Variants in CUX1 observed in about 807,000 individuals in gnomAD.
CUX1 encodes protein CASP.
Under a neutral mutation model 158.8 loss-of-function variants are expected in CUX1, and 31 were observed. That is an observed-to-expected ratio of 0.20 (90% CI 0.15 to 0.26). The LOEUF (loss-of-function observed/expected upper bound fraction) is 0.26, where lower values mean the gene tolerates loss of function less well. Ranked by LOEUF, CUX1 falls within the 10% of genes least tolerant of loss-of-function variation. The pLI, the probability that CUX1 is intolerant of heterozygous loss-of-function variation, is 1.00. For missense variants in CUX1, 1,589 were observed against 2,014.6 expected, an observed-to-expected ratio of 0.79 and a Z score of 4.04; for synonymous variants, 879 against 862.1, an observed-to-expected ratio of 1.02 and a Z score of -0.34.
At chr7:102,281,361 C>A (rs926363029) in intron 20 of CUX1, among the ~76,000 whole-genome samples, 1 of 151,802 alleles carries the variant, frequency 6.6e-6, no homozygotes, top group Non-Finnish European at 1.5e-5. Flanking sequence ...TCTAAAAAAA[C>A]GTTTTTAAAG....
chr7:101,828,661 G>A (rs1031065817), intron 1 of CUX1, among the ~76,000 whole-genome samples: 15 of 151,990 alleles, frequency 9.9e-5, no homozygotes, highest in Admixed American at 2.6e-4. Flanking sequence ...GGCACGCCCC[G>A]CTCCAGGTCG....
In CUX1 at chr7:102,170,469, G is replaced by A. The variant is rs1554510076; in HGVS notation, c.747G>A (p.Glu249=). Residue 249 remains glutamate (E), a synonymous_variant, in exon 10 of 24, where the codon GAG becomes GAA. Transcript: ENST00000292535. ...AGAGGGCAGAGGTGGCTCAGAGAGA[G>A]GCGGAGACCTTAAGGGAACAGCTCT... The part of the protein sequence containing the change: ...ANQRAEVAQR[E]AETLREQLSS... The A allele has an allele frequency of 1.3e-6, 2 of 1,590,040 alleles. No homozygotes were observed. Among genetic ancestry groups the A allele is most frequent in the East Asian group, 2.3e-5 (1 of 43,590 alleles).
intron 20 of CUX1, among the ~76,000 whole-genome samples, chr7:102,210,399 T>C (rs1284446055): frequency 6.6e-6 from 1 of 151,940 alleles, no homozygotes; most frequent in African/African-American, 2.4e-5. Flanking sequence ...ACCCGGCCTT[T>C]TTTATTCTTT....
intron 8 of CUX1, among the ~76,000 whole-genome samples, chr7:102,142,352 T>C (rs1466899232): frequency 6.6e-6 from 1 of 152,168 alleles, no homozygotes; most frequent in Non-Finnish European, 1.5e-5. Flanking sequence ...CAAGCAGTAC[T>C]CCCACCTGTA....
At chr7:102,182,325 ATACTT>A (rs1554514210) in intron 11 of CUX1, among the ~76,000 whole-genome samples, 1 of 152,242 alleles carries the variant, frequency 6.6e-6, no homozygotes, top group Non-Finnish European at 1.5e-5. Context: ...GTTTCCACCC[ATACTT>A]TCCAATGATA....
chr7:101,817,586 C>G, upstream of CUX1: 1 of 1,524,180 alleles, frequency 6.6e-7, no homozygotes, highest in South Asian at 1.2e-5. This position sits in a 1 kb window ranked among gnomAD's most constrained non-coding sequence, Gnocchi z 4.1. Flanking sequence ...CCGCCCCGCA[C>G]GTGCCAGCTC....
At chr7:102,066,424 GAC>G (rs1039648244) in intron 3 of CUX1, among the ~76,000 whole-genome samples, 3 of 152,114 alleles carry the variant, frequency 2.0e-5, no homozygotes, top group Non-Finnish European at 1.5e-5. Context: ...TCTTTCAAGA[GAC>G]ACAATTCAAC....
chr7:101,835,235 A>G (rs931882288), intron 1 of CUX1, among the ~76,000 whole-genome samples: 14 of 152,070 alleles, frequency 9.2e-5, no homozygotes, highest in African/African-American at 3.4e-4. Flanking sequence ...CGTCTCGGGA[A>G]TCATGGATTA....
chr7:101,991,758 CAAA>C (rs34948858), intron 2 of CUX1, among the ~76,000 whole-genome samples: 15 of 115,902 alleles, frequency 1.3e-4, no homozygotes, highest in Admixed American at 2.6e-4. Flanking sequence ...GACTTCATCT[CAAA>C]AAAAAAAAAA....
chr7:102,252,403 C>G lies in CUX1; in HGVS notation c.*3361C>G, dbSNP rs564000208. Reference sequence around the variant, plus strand: ...AGGCAGCCGACCCCCTTCCTCTTCACGCTCTATGAGTTTAAAAAGCTGATT... The same window carrying G: ...AGGCAGCCGACCCCCTTCCTCTTCAGGCTCTATGAGTTTAAAAAGCTGATT... On this transcript the variant is annotated 3_prime_UTR_variant, in exon 24 of 24. Transcript: ENST00000292535. 1.4e-4 allele frequency: 134 copies of G among 985,498 alleles called. No homozygotes were observed. The highest frequency in any genetic ancestry group is 1.0e-3 in the East Asian group (9 of 8,824). 61.0% of individuals were successfully genotyped at this position (985,498 alleles called of 1,614,324 possible).
At chr7:102,091,651 T>C (rs2130850223) in intron 4 of CUX1, among the ~76,000 whole-genome samples, 1 of 152,276 alleles carries the variant, frequency 6.6e-6, no homozygotes, top group East Asian at 1.9e-4. Flanking sequence ...ACTTAGCTTT[T>C]CTAAAGAAAA....
chr7:102,220,034 T>C (rs1797650347), intron 20 of CUX1, among the ~76,000 whole-genome samples: 1 of 152,158 alleles, frequency 6.6e-6, no homozygotes, highest in Admixed American at 6.5e-5. Context: ...GTTTGTGATA[T>C]GAGCCTGTAT....
At chr7:102,280,806 G>A (rs782615603) in exon 20 of CUX1, 3 of 1,613,038 alleles carry the variant, frequency 1.9e-6, no homozygotes, top group East Asian at 2.2e-5. Flanking sequence ...CTGTGCAGGA[G>A]CGGCAGAGGA....
chr7:101,882,887 C>G (rs987004450), intron 1 of CUX1, among the ~76,000 whole-genome samples: 6 of 152,184 alleles, frequency 3.9e-5, no homozygotes, highest in African/African-American at 1.2e-4. Context: ...TCTCGCCCAG[C>G]CTTGGCTGTC....
At chr7:101,997,284 C>T (rs1013242683) in intron 2 of CUX1, among the ~76,000 whole-genome samples, 1 of 152,232 alleles carries the variant, frequency 6.6e-6, no homozygotes, top group East Asian at 1.9e-4. Context: ...GAGCCTGCTC[C>T]ACGTCTCTAT....
At chr7:101,825,270 T>C (rs564973589) in intron 1 of CUX1, among the ~76,000 whole-genome samples, 2 of 152,368 alleles carry the variant, frequency 1.3e-5, no homozygotes, top group South Asian at 4.1e-4. Context: ...GAGGAGCATG[T>C]GTTTAAACCA....
chr7:101,836,008 G>A (rs1016261590), intron 1 of CUX1, among the ~76,000 whole-genome samples: 11 of 152,298 alleles, frequency 7.2e-5, no homozygotes, highest in African/African-American at 2.4e-4. Context: ...GATTACAGGC[G>A]CGAGCCACCG....
At chr7:102,193,749 C>A in intron 12 of CUX1, 93 bp from the exon 13 acceptor site, 1 of 1,302,654 alleles carries the variant, frequency 7.7e-7, no homozygotes, top group Non-Finnish European at 1.1e-6. Context: ...TTGCAGTGAG[C>A]CAATATCGCG....
chr7:101,934,635 A>G (rs895685025), intron 2 of CUX1, among the ~76,000 whole-genome samples: 1 of 152,152 alleles, frequency 6.6e-6, no homozygotes, highest in African/African-American at 2.4e-5. Context: ...CTCTTCATGA[A>G]GTTGCCCGCT....
Sources: gnomAD v4.1 joint callset for allele counts (sites outside exome capture counted in the v4.1 genomes callset) on GRCh38, gnomAD v4.1.1 for gene constraint, Gnocchi (gnomAD v3.1) non-coding constraint, MANE v1.5 for transcripts, NCBI Gene and HGNC (gene_info 2026-07-23, HGNC 2026-07-21) for gene names.